SLC67A1: variants seen among roughly 807,000 people sequenced by gnomAD.
SLC67A1 encodes solute carrier family 67 member A1.
the SLC67A1 span, chr11:2,924,889 G>T: frequency 1.2e-6 from 1 of 829,492 alleles, no homozygotes; most frequent in South Asian, 1.7e-5. The surrounding 1 kb of genome is among the most constrained non-coding windows in gnomAD (Gnocchi z 8.6). Context: ...TATGCAAGGT[G>T]CGGACTGCGC....
the SLC67A1 span, chr11:2,924,979 C>T: frequency 3.2e-6 from 5 of 1,577,906 alleles, no homozygotes; most frequent in Non-Finnish European, 3.4e-6. This position sits in a 1 kb window ranked among gnomAD's most constrained non-coding sequence, Gnocchi z 8.6. Context: ...GGGAGCTGCC[C>T]AGGGCCTGAC....
At chr11:2,913,611 T>C in the SLC67A1 span, among the ~76,000 whole-genome samples, 3 of 152,188 alleles carry the variant, frequency 2.0e-5, no homozygotes, top group Admixed American at 2.0e-4. Context: ...AACTGCAGCA[T>C]CCTGGAGCAC....
At chr11:2,916,859 A>C in the SLC67A1 span, 2 of 807,088 alleles carry the variant, frequency 2.5e-6, no homozygotes, top group East Asian at 5.1e-5. Flanking sequence ...GGCTACTCAC[A>C]CCCTCCTGCC....
the SLC67A1 span, chr11:2,916,105 G>T: frequency 6.5e-6 from 1 of 152,752 alleles, no homozygotes; most frequent in African/African-American, 2.4e-5. Context: ...TCTAGAAAGT[G>T]GGGAGGGGCC....
chr11:2,922,784 C>T, the SLC67A1 span, among the ~76,000 whole-genome samples: 1 of 151,900 alleles, frequency 6.6e-6, no homozygotes, highest in Non-Finnish European at 1.5e-5. Context: ...CCTAGCCCAG[C>T]TGGGGGCAGG....
the SLC67A1 span, among the ~76,000 whole-genome samples, chr11:2,913,624 A>G: frequency 1.3e-5 from 2 of 152,200 alleles, no homozygotes; most frequent in African/African-American, 4.8e-5. Flanking sequence ...TGGAGCACGG[A>G]TGACTTCTCT....
At chr11:2,916,635 G>A in the SLC67A1 span, 5 of 1,612,054 alleles carry the variant, frequency 3.1e-6, no homozygotes, top group Non-Finnish European at 4.2e-6. Flanking sequence ...TCAGTGCCCG[G>A]CCATCCTGGC....
chr11:2,903,681 C>A, the SLC67A1 span: 3 of 634,884 alleles, frequency 4.7e-6, no homozygotes, highest in Non-Finnish European at 8.2e-6. Flanking sequence ...TCAGCACATC[C>A]TGTGCTCCAG....
chr11:2,909,186 C>T, the SLC67A1 span: 3 of 1,502,386 alleles, frequency 2.0e-6, no homozygotes, highest in East Asian at 7.6e-5. Flanking sequence ...ACCCGCCCCT[C>T]GGCCCCCAGG....
At chr11:2,912,208 G>C in the SLC67A1 span, among the ~76,000 whole-genome samples, 1 of 152,336 alleles carries the variant, frequency 6.6e-6, no homozygotes, top group Middle Eastern at 3.4e-3. Flanking sequence ...GGAGGGCTGC[G>C]GGGTTGACCT....
the SLC67A1 span, chr11:2,909,190 C>T: frequency 2.0e-6 from 3 of 1,511,762 alleles, no homozygotes; most frequent in Admixed American, 4.1e-5. Context: ...GCCCCTCGGC[C>T]CCCAGGTTCG....
the SLC67A1 span, among the ~76,000 whole-genome samples, chr11:2,906,577 A>C: frequency 6.6e-6 from 1 of 152,206 alleles, no homozygotes; most frequent in African/African-American, 2.4e-5. Flanking sequence ...TACATGGATG[A>C]AGCTGGAAAC....
the SLC67A1 span, chr11:2,909,439 G>A: frequency 1.4e-6 from 2 of 1,442,392 alleles, no homozygotes; most frequent in African/African-American, 3.0e-5. Flanking sequence ...AGGGAGGTCT[G>A]CGTGCGCGCG....
the SLC67A1 span, chr11:2,902,996 C>T: frequency 3.5e-6 from 1 of 282,942 alleles, no homozygotes; most frequent in Non-Finnish European, 6.4e-6. Flanking sequence ...TGGGGCATGG[C>T]ACATTCCTGT....
the SLC67A1 span, chr11:2,902,852 T>C: frequency 1.5e-6 from 1 of 646,040 alleles, no homozygotes; most frequent in Non-Finnish European, 1.9e-6. Context: ...TGCACTGTGT[T>C]GGGGACAGGG....
chr11:2,902,172 G>A, the SLC67A1 span: 1 of 152,266 alleles, frequency 6.6e-6, no homozygotes, highest in Non-Finnish European at 1.5e-5. Context: ...CAGAAACCGT[G>A]GCACGGGCGC....
chr11:2,909,334 A>G, the SLC67A1 span: 1 of 1,529,150 alleles, frequency 6.5e-7, no homozygotes, highest in Admixed American at 2.0e-5. Context: ...GCCTGCCCGG[A>G]GCGCTCATGC....
the SLC67A1 span, chr11:2,903,071 C>G: frequency 1.7e-6 from 1 of 581,550 alleles, no homozygotes; most frequent in Non-Finnish European, 2.6e-6. Context: ...TTGTCCCTGT[C>G]TCCCCTCCCC....
the SLC67A1 span, among the ~76,000 whole-genome samples, chr11:2,913,320 G>A: frequency 6.6e-5 from 10 of 152,274 alleles, no homozygotes; most frequent in African/African-American, 1.2e-4. Context: ...TTCTGGCCCC[G>A]CTGTCCCTCA....
Sources: allele counts gnomAD v4.1 joint callset (sites outside exome capture counted in the v4.1 genomes callset), GRCh38; gene constraint gnomAD v4.1.1; non-coding constraint Gnocchi (gnomAD v3.1); transcripts MANE v1.5; gene names NCBI Gene and HGNC (gene_info 2026-07-23, HGNC 2026-07-21).